Variants in TRPM4 observed in about 807,000 individuals in gnomAD.
TRPM4 encodes the protein calcium-activated non-selective cation channel 1.
In TRPM4, 124 loss-of-function variants were observed where a neutral mutation model predicts 135.6. The ratio of observed to expected loss-of-function variants is 0.91; its 90% CI spans 0.79 to 1.06. The LOEUF (loss-of-function observed/expected upper bound fraction) is 1.06. Ranked by LOEUF, TRPM4 falls within the 50% of genes least tolerant of loss-of-function variation. The probability of loss-of-function intolerance (pLI) is 0.00; values close to 1 mark genes in which losing one functional copy is unlikely to be tolerated. For synonymous variants in TRPM4, 745 were observed against 705.6 expected (o/e 1.06, Z -0.88); for missense variants, 1,658 against 1,671.4 (o/e 0.99, Z 0.14).
chr19:49,189,019 G>C lies in TRPM4; in HGVS notation c.1947G>C (p.Trp649Cys). 6.2e-7 allele frequency: 1 copy of C among 1,614,146 alleles called. No individual in the cohort carries two copies. The highest frequency in any genetic ancestry group is 1.1e-5 in the South Asian group (1 of 91,086). The change falls in exon 14 of 25, where the codon TGG becomes TGC. Residue 649 changes from tryptophan (W) to cysteine (C), a missense_variant. Trp to Cys is a radical substitution (Grantham distance 215, BLOSUM62 -2). Around this residue, in one of 3 missense-constraint regions of TRPM4, gnomAD observed 1,412 missense variants for 1,408.7 expected, o/e 1.00. Coordinates refer to ENST00000252826, the MANE Select transcript of TRPM4 (RefSeq NM_017636.4). ...TCCTCCTCCGTCGCTGCCCGCTCTGGGGGGATGCCACTTGCCTCCAGCTGG... is the reference window on the plus strand; with the variant it reads ...TCCTCCTCCGTCGCTGCCCGCTCTGCGGGGATGCCACTTGCCTCCAGCTGG... ...ARLLLRRCPL[W>C]GDATCLQLAM... is the part of the protein sequence containing the mutation.
chr19:49,185,650 A>G (rs1360801648), intron 12 of TRPM4, among the ~76,000 whole-genome samples: 1 of 151,854 alleles, frequency 6.6e-6, no homozygotes, highest in African/African-American at 2.4e-5. Flanking sequence ...TAATGTGGCA[A>G]CTCTGGAAAT....
chr19:49,189,498 G>GT (rs1408458235), intron 14 of TRPM4, among the ~76,000 whole-genome samples: 1 of 151,052 alleles, frequency 6.6e-6, no homozygotes, highest in East Asian at 1.9e-4. Context: ...GAGGTCCCTA[G>GT]TTTCAGTTTT....
Position 49,167,861 on chromosome 19 carries a change from C to T in TRPM4, c.268-56C>T, listed in dbSNP as rs113428020. The T allele has an allele frequency of 1.7e-5, 25 of 1,496,518 alleles. No individual in the cohort carries two copies. The African/African-American group carries it at 2.0e-4, about 12-fold the overall frequency. The allele number at this position is 1,496,518 out of a possible 1,614,324, so 92.7% of individuals were successfully genotyped here. A position where few individuals can be genotyped will look rare whatever the true frequency, so the allele number is the denominator to read the frequency against. On this transcript the variant is annotated intron_variant, in intron 3 of 24. Coordinates refer to ENST00000252826, the MANE Select transcript of TRPM4 (RefSeq NM_017636.4). Reference sequence around the variant, plus strand: ...CCCCGTCTCTCTGGGTCTCTGTCCCCGTCTCTCTGGGTCTCTGTCCCCCTC... The same window carrying T: ...CCCCGTCTCTCTGGGTCTCTGTCCCTGTCTCTCTGGGTCTCTGTCCCCCTC...
chr19:49,187,928 G>T (rs1568476534), intron 12 of TRPM4, among the ~76,000 whole-genome samples: 1 of 152,166 alleles, frequency 6.6e-6, no homozygotes, highest in African/African-American at 2.4e-5. Flanking sequence ...TCTGGGTGGT[G>T]TCAGCTGATC....
intron 16 of TRPM4, among the ~76,000 whole-genome samples, chr19:49,194,007 TTCCTCCTCCTCA>T (rs1206763673): frequency 3.1e-5 from 4 of 130,838 alleles, no homozygotes; most frequent in Admixed American, 3.0e-4. Context: ...CCTCTTTCTC[TTCCTCCTCCTCA>T]TCCTCCTCCT....
intron 20 of TRPM4, among the ~76,000 whole-genome samples, chr19:49,205,682 C>T (rs1474303202): frequency 6.6e-6 from 1 of 151,418 alleles, no homozygotes; most frequent in Non-Finnish European, 1.5e-5. Flanking sequence ...ATTACAGGTG[C>T]CTGCCACTAT....
At chr19:49,192,762 A>G (rs2123011956) in intron 16 of TRPM4, among the ~76,000 whole-genome samples, 1 of 152,272 alleles carries the variant, frequency 6.6e-6, no homozygotes, top group African/African-American at 2.4e-5. Context: ...AATAATCTGT[A>G]CAACAAACCC....
At chr19:49,163,222 G>T (rs1967036370) in intron 2 of TRPM4, among the ~76,000 whole-genome samples, 1 of 148,714 alleles carries the variant, frequency 6.7e-6, no homozygotes, top group South Asian at 2.1e-4. Flanking sequence ...TTGAGGCAGA[G>T]TCTCATTCTG....
intron 9 of TRPM4, among the ~76,000 whole-genome samples, chr19:49,176,079 G>A (rs975092300): frequency 1.3e-5 from 2 of 150,696 alleles, no homozygotes; most frequent in South Asian, 4.2e-4. Context: ...GCCCACAACC[G>A]CACCCGGCTA....
In TRPM4 at chr19:49,204,715, T is replaced by A. The variant is rs527886517; in HGVS notation, c.3131+2574T>A. Among the ~76,000 whole-genome samples, 252 of 151,808 alleles carry A rather than the reference T, an allele frequency of 1.7e-3. No homozygotes were observed. The Middle Eastern group carries it at 0.048, about 29-fold the overall frequency. The stretch of plus-strand genomic sequence containing the variant: ...TGGCTTGTTTTTTTAATTTTTTTTT[T>A]ACTTTTATTTTATTTATTTATTTTT... On this transcript the variant is annotated intron_variant, in intron 20 of 24. Transcript: ENST00000252826.
chr19:49,168,227 C>G (rs1390730909), intron 4 of TRPM4, 33 bp from the exon 5 acceptor site: 2 of 1,613,862 alleles, frequency 1.2e-6, no homozygotes, highest in South Asian at 1.1e-5. Context: ...TTTCTCTCCC[C>G]CTGCCTCTGC....
At chr19:49,200,846 C>G (rs1171642328) in intron 19 of TRPM4, 61 bp downstream of exon 19, 1 of 1,565,580 alleles carries the variant, frequency 6.4e-7, no homozygotes, top group African/African-American at 1.4e-5. Flanking sequence ...CCCTGGGTCT[C>G]TGTCCTCCTG....
intron 12 of TRPM4, among the ~76,000 whole-genome samples, chr19:49,187,180 A>G (rs1235864585): frequency 1.3e-5 from 2 of 149,556 alleles, no homozygotes; most frequent in Admixed American, 6.6e-5. Flanking sequence ...TGGTCTCTTC[A>G]TTAAGCATTT....
rs1191078448 is a variant in TRPM4 at position 49,190,206 on chromosome 19, A to G, written c.2020-2A>G. The G allele has an allele frequency of 6.2e-7, 1 of 1,612,744 alleles. No individual in the cohort carries two copies. The highest frequency in any genetic ancestry group is 2.2e-5 in the East Asian group (1 of 44,870). On this transcript the variant is annotated splice_acceptor_variant, in intron 14 of 24. Transcript: ENST00000252826. LOFTEE classifies it high-confidence loss of function. ...GATCCTAATCCTTCCCACCCCCCAC[A>G]GTCTCTGCTGACACAGAAGTGGTGG... is the stretch of plus-strand genomic sequence containing the variant.
Position 49,210,401 on chromosome 19 carries a change from T to G in TRPM4, c.3324T>G (p.His1108Gln), listed in dbSNP as rs1969307859. ...SPQPSSPALEHFRVYLSKEAE... is the reference protein window; with the variant it reads ...SPQPSSPALEQFRVYLSKEAE... ...AGCCGTCCTCCCCGGCCCTCGAGCA[T>G]TTCCGTAAGAACAGAGCTTGGCTTA... The change falls in exon 21 of 25, where the codon CAT (histidine) becomes CAG (glutamine). Residue 1108 changes from histidine to glutamine, a missense_variant. Transcript: ENST00000252826. The surrounding 1 kb of genome is among the most constrained non-coding windows in gnomAD (Gnocchi z 4.1). 1 of 1,613,258 alleles carries G rather than the reference T, an allele frequency of 6.2e-7. No individual in the cohort carries two copies. The highest frequency in any genetic ancestry group is 8.5e-7 in the Non-Finnish European group (1 of 1,180,008).
In TRPM4 at chr19:49,210,440, T is replaced by C. The variant is rs557692990; in HGVS notation, c.3328+35T>C. 14 of 1,604,512 alleles carry C rather than the reference T, an allele frequency of 8.7e-6. No individual in the cohort carries two copies. In the African/African-American group the frequency reaches 1.7e-4, roughly 20 times the overall value. ...GAGCTTGGCTTAAAAAGGAGAAATA[T>C]AGGGGACCGGGAGCCTGGAAGGCGA... On this transcript the variant is annotated intron_variant, in intron 21 of 24. Coordinates refer to ENST00000252826, the MANE Select transcript of TRPM4 (RefSeq NM_017636.4). The surrounding 1 kb of genome is among the most constrained non-coding windows in gnomAD (Gnocchi z 4.1).
At chr19:49,179,875 G>A (rs112169722) in intron 9 of TRPM4, among the ~76,000 whole-genome samples, 2,769 of 152,300 alleles carry the variant, frequency 0.018, 87 homozygotes, top group African/African-American at 0.056. Context: ...AAGCTGTAGT[G>A]TCGCCACAGC....
Position 49,171,962 on chromosome 19 carries a change from G to T in TRPM4, c.1051-47G>T. 2 of 1,535,128 alleles carry T rather than the reference G, an allele frequency of 1.3e-6. No homozygotes were observed. Among genetic ancestry groups the T allele is most frequent in the Non-Finnish European group, 1.8e-6 (2 of 1,108,276 alleles). On this transcript the variant is annotated intron_variant, in intron 8 of 24. Transcript: ENST00000252826. The surrounding 1 kb of genome is among the most constrained non-coding windows in gnomAD (Gnocchi z 4.7). The stretch of plus-strand genomic sequence containing the variant: ...TCCCTTTGGACAGGGCCCAACAGGA[G>T]TTGGGGATGGAGGCGGGCTAGGGAT...
At chr19:49,201,880 C>T (rs148259552) in intron 19 of TRPM4, 84 bp from the exon 20 acceptor site, 11 of 1,446,870 alleles carry the variant, frequency 7.6e-6, no homozygotes, top group East Asian at 6.8e-5. Context: ...GGATTACAGG[C>T]GTGAGCCACC....
Sources: gnomAD v4.1 joint callset for allele counts (sites outside exome capture counted in the v4.1 genomes callset) on GRCh38, gnomAD v4.1.1 for gene constraint, gnomAD v4.1.1 regional missense constraint, Gnocchi (gnomAD v3.1) non-coding constraint, MANE v1.5 for transcripts, NCBI Gene and HGNC (gene_info 2026-07-23, HGNC 2026-07-21) for gene names.